The following NPFFR2 variants were observed in gnomAD, a reference collection of about 807,000 sequenced individuals.
NPFFR2 encodes the protein neuropeptide FF receptor 2.
In NPFFR2, 15 loss-of-function variants were observed where a neutral mutation model predicts 13.1. The ratio of observed to expected loss-of-function variants is 1.15; its 90% CI spans 0.77 to 1.76. The LOEUF is 1.76. NPFFR2 is among the 40% of genes most tolerant of loss of function. NPFFR2 has a pLI of 0.00. For missense variants in NPFFR2, 572 were observed against 503.5 expected, an observed-to-expected ratio of 1.14 and a Z score of -1.30; for synonymous variants, 190 against 175.7, an observed-to-expected ratio of 1.08 and a Z score of -0.65.
intron 1 of NPFFR2, among the ~76,000 whole-genome samples, chr4:72,103,149 G>T (rs1311454669): frequency 1.3e-5 from 2 of 152,134 alleles, no homozygotes; most frequent in Non-Finnish European, 2.9e-5. Context: ...AGCTTAGAAT[G>T]TGCAAACACA....
At chr4:72,042,642 A>G (rs13147703) in intron 1 of NPFFR2, among the ~76,000 whole-genome samples, 146,806 of 152,214 alleles carry the variant, frequency 0.96, 71,027 homozygotes, top group East Asian at 1. Context: ...GAGCAAAGGT[A>G]ACTCTTGTAT....
At chr4:72,102,052 T>C (rs1721265709) in intron 1 of NPFFR2, among the ~76,000 whole-genome samples, 1 of 152,100 alleles carries the variant, frequency 6.6e-6, no homozygotes, top group Non-Finnish European at 1.5e-5. Context: ...GTGATTTTTG[T>C]TTTTGAAAAC....
intron 1 of NPFFR2, among the ~76,000 whole-genome samples, chr4:72,101,057 C>T (rs139506508): frequency 1.2e-3 from 176 of 150,848 alleles, no homozygotes; most frequent in African/African-American, 4.0e-3. Context: ...CTAGATTTCA[C>T]TTTAAAGAAA....
intron 1 of NPFFR2, among the ~76,000 whole-genome samples, chr4:72,087,597 A>G (rs2109798627): frequency 6.6e-6 from 1 of 152,158 alleles, no homozygotes; most frequent in East Asian, 1.9e-4. Context: ...GCCCCTGTAT[A>G]GGATGGGGAA....
Position 72,147,055 on chromosome 4 carries a change from T to C in NPFFR2, c.506T>C (p.Val169Ala), listed in dbSNP as rs1722802561. Residue 169 changes from valine (V) to alanine (A), a missense_variant, in exon 4 of 4, where the codon GTC becomes GCC. Coordinates refer to ENST00000308744, the MANE Select transcript of NPFFR2 (RefSeq NM_004885.3). ...TAFVIIMIIW[V>A]LAITIMSPSA... ...TTTGTCATTATTATGATCATCTGGG[T>C]CCTAGCCATCACCATTATGTCTCCA... The C allele has an allele frequency of 4.3e-6, 7 of 1,614,008 alleles. No individual in the cohort carries two copies. Among genetic ancestry groups the C allele is most frequent in the Non-Finnish European group, 5.9e-6 (7 of 1,180,026 alleles).
intron 1 of NPFFR2, among the ~76,000 whole-genome samples, chr4:72,063,122 T>G (rs1176676300): frequency 6.6e-6 from 1 of 152,222 alleles, no homozygotes; most frequent in Non-Finnish European, 1.5e-5. Context: ...TTTCATCTTT[T>G]TGATGCTTTT....
At chr4:72,093,452 C>T (rs914074551) in intron 1 of NPFFR2, among the ~76,000 whole-genome samples, 1 of 152,088 alleles carries the variant, frequency 6.6e-6, no homozygotes, top group Non-Finnish European at 1.5e-5. Context: ...TCTCTTCTTC[C>T]TCAGGAACAC....
At chr4:72,145,634 T>C (rs937841388) in intron 3 of NPFFR2, among the ~76,000 whole-genome samples, 1 of 152,060 alleles carries the variant, frequency 6.6e-6, no homozygotes, top group African/African-American at 2.4e-5. Flanking sequence ...AGAGAGAAGA[T>C]CTTACACATG....
chr4:72,043,609 T>C (rs950446471), intron 1 of NPFFR2, among the ~76,000 whole-genome samples: 1 of 152,258 alleles, frequency 6.6e-6, no homozygotes, highest in Non-Finnish European at 1.5e-5. Flanking sequence ...AATTGCCCTA[T>C]TGGATTTTGT....
At chr4:72,064,174 T>A (rs1376474509) in intron 1 of NPFFR2, among the ~76,000 whole-genome samples, 3 of 152,202 alleles carry the variant, frequency 2.0e-5, no homozygotes, top group Non-Finnish European at 2.9e-5. Context: ...AGTGCAAAAC[T>A]TACTGGCTTA....
intron 1 of NPFFR2, among the ~76,000 whole-genome samples, chr4:72,091,440 C>T (rs2109802121): frequency 6.6e-6 from 1 of 152,218 alleles, no homozygotes; most frequent in Middle Eastern, 3.4e-3. Flanking sequence ...TAGAATTCAG[C>T]TGTGAATCCA....
chr4:72,129,907 G>T (rs1377935891), intron 2 of NPFFR2, among the ~76,000 whole-genome samples: 5 of 87,836 alleles, frequency 5.7e-5, no homozygotes, highest in Non-Finnish European at 2.2e-5. Context: ...CGCAGTTTTT[G>T]TGTCCCTGGG....
chr4:72,058,119 G>T (rs1719809657), intron 1 of NPFFR2, among the ~76,000 whole-genome samples: 1 of 151,908 alleles, frequency 6.6e-6, no homozygotes, highest in South Asian at 2.1e-4. Flanking sequence ...GGTAGAGACA[G>T]CGTTTTATCA....
intron 2 of NPFFR2, among the ~76,000 whole-genome samples, chr4:72,131,862 G>A (rs1722252690): frequency 6.6e-6 from 1 of 151,910 alleles, no homozygotes; most frequent in African/African-American, 2.4e-5. Context: ...AACTGTATGT[G>A]TGAACATATT....
At chr4:72,093,959 A>T (rs1405724720) in intron 1 of NPFFR2, among the ~76,000 whole-genome samples, 1 of 151,992 alleles carries the variant, frequency 6.6e-6, no homozygotes, top group Non-Finnish European at 1.5e-5. Context: ...ATTTGGGCAG[A>T]CTATGTTAGA....
At chr4:72,047,402 GGC>G (rs1719409761) in intron 1 of NPFFR2, among the ~76,000 whole-genome samples, 1 of 152,080 alleles carries the variant, frequency 6.6e-6, no homozygotes, top group South Asian at 2.1e-4. Flanking sequence ...ATCCTCCATG[GGC>G]TCACTGCCCA....
intron 1 of NPFFR2, among the ~76,000 whole-genome samples, chr4:72,122,345 G>A (rs902192064): frequency 6.6e-6 from 1 of 152,062 alleles, no homozygotes. Context: ...ACAGACTGAT[G>A]AGACAGAAGT....
intron 1 of NPFFR2, among the ~76,000 whole-genome samples, chr4:72,096,253 T>G (rs1396187487): frequency 6.6e-6 from 1 of 152,168 alleles, no homozygotes; most frequent in Non-Finnish European, 1.5e-5. Flanking sequence ...GAATAGGCCA[T>G]GACATCTGTT....
At chr4:72,044,465 A>C (rs1044483686) in intron 1 of NPFFR2, among the ~76,000 whole-genome samples, 12 of 152,148 alleles carry the variant, frequency 7.9e-5, no homozygotes, top group Non-Finnish European at 1.6e-4. Flanking sequence ...GATTCTTTGA[A>C]TCTATGAACA....
Sources: gnomAD v4.1 joint callset for allele counts (sites outside exome capture counted in the v4.1 genomes callset) on GRCh38, gnomAD v4.1.1 for gene constraint, MANE v1.5 for transcripts, NCBI Gene and HGNC (gene_info 2026-07-23, HGNC 2026-07-21) for gene names.